The following GFRA1 variants were observed in gnomAD, a reference collection of about 807,000 sequenced individuals.
GFRA1 encodes GDNF family receptor alpha 1.
A neutral mutation model predicts 51.6 loss-of-function variants in GFRA1; 16 were observed. That is an observed-to-expected ratio of 0.31 (90% CI 0.21 to 0.47). The LOEUF is 0.47. Ranked by LOEUF, GFRA1 falls within the 20% of genes least tolerant of loss-of-function variation. The pLI is 1.00. For synonymous variants in GFRA1, 270 were observed against 241.3 expected (o/e 1.12, Z -1.10); for missense variants, 530 against 594.3 (o/e 0.89, Z 1.13).
chr10:116,059,617 C>A lies in GFRA1; in HGVS notation c.*4781G>T, dbSNP rs545466393. The A allele has an allele frequency of 1.3e-5, 2 of 152,210 alleles. No homozygotes were observed. The highest frequency in any genetic ancestry group is 4.8e-5 in the African/African-American group (2 of 41,434). The allele number at this position is 152,210 out of a possible 1,614,324, so 9.4% of individuals were successfully genotyped here. A position where few individuals can be genotyped will look rare whatever the true frequency, so the allele number is the denominator to read the frequency against. On this transcript the variant is annotated 3_prime_UTR_variant, in exon 11 of 11. Coordinates refer to ENST00000355422, the MANE Select transcript of GFRA1 (RefSeq NM_005264.8). ...GCAGTTTATTGGAATAGGGTTTGTG[C>A]GCCTTCTCCACCCCTCTGGGCTGGG...
chr10:116,099,759 A>T (rs2133922458), intron 6 of GFRA1, among the ~76,000 whole-genome samples: 1 of 152,346 alleles, frequency 6.6e-6, no homozygotes, highest in East Asian at 1.9e-4. Flanking sequence ...TCTAGGTGCC[A>T]AGAAAAACAA....
At chr10:116,270,702 G>A (rs907633083) in intron 3 of GFRA1, 120 bp downstream of exon 3, 6 of 801,428 alleles carry the variant, frequency 7.5e-6, no homozygotes, top group Admixed American at 6.3e-5. Flanking sequence ...GCCAAGGAAA[G>A]GTCCTCACTC....
At chr10:116,072,317 G>T (rs2133800278) in intron 9 of GFRA1, among the ~76,000 whole-genome samples, 1 of 152,328 alleles carries the variant, frequency 6.6e-6, no homozygotes, top group South Asian at 2.1e-4. Context: ...GGCCCGTGGA[G>T]TGGGTCTTGT....
intron 4 of GFRA1, among the ~76,000 whole-genome samples, chr10:116,257,921 T>C (rs1374062504): frequency 6.6e-6 from 1 of 152,158 alleles, no homozygotes; most frequent in Admixed American, 6.6e-5. Flanking sequence ...ACTGTGCCTT[T>C]GCCCAGGCTG....
chr10:116,083,890 C>T (rs1955970571), intron 9 of GFRA1, among the ~76,000 whole-genome samples: 1 of 152,146 alleles, frequency 6.6e-6, no homozygotes. Context: ...TTAGGTCTGC[C>T]CTCCATCCCT....
intron 4 of GFRA1, among the ~76,000 whole-genome samples, chr10:116,219,483 C>A (rs1327161040): frequency 2.6e-5 from 4 of 152,086 alleles, no homozygotes; most frequent in African/African-American, 9.7e-5. Flanking sequence ...TTATTAAAAT[C>A]TCTATGATAT....
intron 6 of GFRA1, among the ~76,000 whole-genome samples, chr10:116,107,042 G>A (rs1957033547): frequency 6.6e-6 from 1 of 152,140 alleles, no homozygotes; most frequent in African/African-American, 2.4e-5. Flanking sequence ...CATGCTTCCT[G>A]TACAGCCTGT....
At chr10:116,109,741 G>C (rs1482312709) in intron 6 of GFRA1, among the ~76,000 whole-genome samples, 1 of 152,222 alleles carries the variant, frequency 6.6e-6, no homozygotes, top group Non-Finnish European at 1.5e-5. Context: ...TGACCCAGTA[G>C]GGGCTGGCCT....
intron 4 of GFRA1, among the ~76,000 whole-genome samples, chr10:116,215,952 T>C (rs958517269): frequency 6.6e-6 from 1 of 152,118 alleles, no homozygotes; most frequent in Admixed American, 6.5e-5. Flanking sequence ...AAGTTGGTGA[T>C]TCAGATGTGG....
intron 5 of GFRA1, among the ~76,000 whole-genome samples, chr10:116,191,827 G>GAT (rs1282702464): frequency 1.5e-5 from 2 of 134,316 alleles, no homozygotes; most frequent in African/African-American, 5.1e-5. Context: ...AGGAGTTTGA[G>GAT]ATCAGCCTGG....
chr10:116,216,803 G>A (rs1008614388), intron 4 of GFRA1, among the ~76,000 whole-genome samples: 9 of 152,236 alleles, frequency 5.9e-5, no homozygotes, highest in East Asian at 3.9e-4. Flanking sequence ...AAAGCACTGC[G>A]AATTTTACTG....
At chr10:116,211,531 T>G in intron 5 of GFRA1, 100 bp downstream of exon 5, 1 of 1,105,414 alleles carries the variant, frequency 9.0e-7, no homozygotes, top group Non-Finnish European at 1.3e-6. Context: ...GACATGTCCA[T>G]AGAGAACGGG....
chr10:116,171,961 G>A lies in GFRA1; in HGVS notation c.433+39670C>T, dbSNP rs527747321. Among the ~76,000 whole-genome samples, 8 of 152,252 alleles carry A rather than the reference G, an allele frequency of 5.3e-5. No individual in the cohort carries two copies. The South Asian group carries it at 1.2e-3, about 24-fold the overall frequency. ...GATACAATCATTGCATGCCCAGCTT[G>A]GTGGTTTTTCTTCTTCCCTGTCCTG... On this transcript the variant is annotated intron_variant, in intron 5 of 10. Transcript: ENST00000355422.
At chr10:116,263,655 G>C (rs1366475845) in intron 4 of GFRA1, among the ~76,000 whole-genome samples, 2 of 152,220 alleles carry the variant, frequency 1.3e-5, no homozygotes, top group African/African-American at 2.4e-5. Context: ...GTTAGTAAAA[G>C]AGTGAAGGAA....
intron 4 of GFRA1, among the ~76,000 whole-genome samples, chr10:116,230,743 C>CACAG (rs1426788436): frequency 6.6e-6 from 1 of 150,762 alleles, no homozygotes; most frequent in Non-Finnish European, 1.5e-5. Context: ...CACACACACA[C>CACAG]AGACAATTTA....
chr10:116,258,777 C>T (rs186976972), intron 4 of GFRA1, among the ~76,000 whole-genome samples: 2 of 152,122 alleles, frequency 1.3e-5, no homozygotes, highest in African/African-American at 4.8e-5. Context: ...GCTAAGAGTA[C>T]CTCTACTGAA....
Position 116,271,993 on chromosome 10 carries a change from A to G in GFRA1, c.37T>C (p.Leu13=), listed in dbSNP as rs1346626838. 1 of 1,556,382 alleles carries G rather than the reference A, an allele frequency of 6.4e-7. No homozygotes were observed. Among genetic ancestry groups the G allele is most frequent in the Non-Finnish European group, 8.7e-7 (1 of 1,150,410 alleles). Residue 13 remains leucine, a synonymous_variant, in exon 2 of 11, where the codon TTG becomes CTG. Transcript: ENST00000355422. ...CCCGCGGCGGGCCTCGACTTACCCA[A>G]GAGCGGCAGCGCGAAGTACAGGGTC... ...LATLYFALPL[L]DLLLSAEVSG...
At chr10:116,112,473 A>G (rs1957250855) in intron 6 of GFRA1, among the ~76,000 whole-genome samples, 1 of 152,314 alleles carries the variant, frequency 6.6e-6, no homozygotes, top group African/African-American at 2.4e-5. Context: ...GGCCCACATC[A>G]AGGCACCAGC....
rs1298958711 is a variant in GFRA1 at position 116,270,938 on chromosome 10, C to A, written c.218G>T (p.Arg73Leu). Reference protein sequence around the residue: ...ASGLEAKDECRSAMEALKQKS... With the variant: ...ASGLEAKDECLSAMEALKQKS... ...CTGCTTCAGGGCCTCCATGGCGCTG[C>A]GGCACTCATCCTTGGCCTCCAGGCC... The change falls in exon 3 of 11, where the codon CGC (arginine) becomes CTC (leucine). Residue 73 changes from arginine (R) to leucine (L), a missense_variant. By Grantham distance (102) the Arg-to-Leu change is moderately radical. Transcript: ENST00000355422. 1 of 1,614,132 alleles carries A rather than the reference C, an allele frequency of 6.2e-7. No homozygotes were observed. The highest frequency in any genetic ancestry group is 1.7e-5 in the Admixed American group (1 of 60,034).
Sources: gnomAD v4.1 joint callset for allele counts (sites outside exome capture counted in the v4.1 genomes callset) on GRCh38, gnomAD v4.1.1 for gene constraint, MANE v1.5 for transcripts, NCBI Gene and HGNC (gene_info 2026-07-23, HGNC 2026-07-21) for gene names.